Variants in CAMK4 observed in about 807,000 individuals in gnomAD.
CAMK4 encodes the protein calcium/calmodulin-dependent protein kinase type IV.
Under a neutral mutation model 44.9 loss-of-function variants are expected in CAMK4, and 22 were observed. The observed-to-expected ratio is 0.49, with a 90% CI of 0.35 to 0.70. The LOEUF (loss-of-function observed/expected upper bound fraction) is 0.70. Ranked by LOEUF, CAMK4 falls within the 30% of genes least tolerant of loss-of-function variation. The pLI is 0.01. For missense variants in CAMK4, 498 were observed against 586.8 expected, an observed-to-expected ratio of 0.85 and a Z score of 1.56; for synonymous variants, 218 against 215.4, an observed-to-expected ratio of 1.01 and a Z score of -0.11.
At chr5:111,293,433 C>CTT (rs1000264327) in intron 1 of CAMK4, among the ~76,000 whole-genome samples, 1 of 146,652 alleles carries the variant, frequency 6.8e-6, no homozygotes, top group Admixed American at 6.9e-5. Context: ...CGGTGGTCTA[C>CTT]TTTTTTTTTT....
intron 6 of CAMK4, 48 bp from the exon 7 acceptor site, chr5:111,449,080 TA>T: frequency 1.2e-6 from 1 of 808,262 alleles, no homozygotes; most frequent in Non-Finnish European, 2.1e-6. Context: ...TATTTTGTCA[TA>T]AAAGCTGAGA....
At chr5:111,432,240 A>G (rs1365586355) in intron 5 of CAMK4, among the ~76,000 whole-genome samples, 2 of 152,156 alleles carry the variant, frequency 1.3e-5, no homozygotes, top group Non-Finnish European at 2.9e-5. Context: ...TGTTAATGAA[A>G]TAAGTCAGGC....
At position 111,370,784 on chromosome 5, in the gene CAMK4, G is replaced by A. The variant is rs192853266; in HGVS notation, c.241-4066G>A. Among the ~76,000 whole-genome samples the A allele has an allele frequency of 6.5e-3, 988 of 152,082 alleles. 9 individuals carry two copies. Among genetic ancestry groups the A allele is most frequent in the African/African-American group, 0.017 (696 of 41,492 alleles). Reference sequence around the variant, plus strand: ...ACAAAAATTTGCTGGATGTGGTGGCGCACACCTGTAGTCCCAACTACTCAG... The same window carrying A: ...ACAAAAATTTGCTGGATGTGGTGGCACACACCTGTAGTCCCAACTACTCAG... On this transcript the variant is annotated intron_variant, in intron 2 of 10. Transcript: ENST00000282356.
intron 4 of CAMK4, among the ~76,000 whole-genome samples, chr5:111,393,954 G>A (rs1160957882): frequency 2.0e-5 from 3 of 149,870 alleles, no homozygotes; most frequent in Admixed American, 6.7e-5. Context: ...AAAAAGAAAC[G>A]CAGCAAAAGT....
intron 1 of CAMK4, among the ~76,000 whole-genome samples, chr5:111,292,895 C>T (rs1747333911): frequency 6.6e-6 from 1 of 152,188 alleles, no homozygotes; most frequent in South Asian, 2.1e-4. Context: ...CACACCAGTG[C>T]ACTTCAGCCT....
intron 1 of CAMK4, among the ~76,000 whole-genome samples, chr5:111,266,777 A>G (rs1750265556): frequency 6.6e-6 from 1 of 152,232 alleles, no homozygotes; most frequent in Non-Finnish European, 1.5e-5. Flanking sequence ...AGCTCTAGCT[A>G]GGGGTGCCAA....
intron 5 of CAMK4, among the ~76,000 whole-genome samples, chr5:111,396,701 C>T (rs1039598442): frequency 1.6e-4 from 19 of 119,908 alleles, no homozygotes; most frequent in South Asian, 2.8e-4. Context: ...AGTGCAATGA[C>T]GTGATCTTGG....
At chr5:111,438,250 G>C (rs2112954283) in intron 5 of CAMK4, among the ~76,000 whole-genome samples, 1 of 152,280 alleles carries the variant, frequency 6.6e-6, no homozygotes, top group Admixed American at 6.5e-5. Context: ...AAGGCAGTTG[G>C]ATAAATGATC....
At chr5:111,357,908 T>C (rs1750435137) in intron 2 of CAMK4, 1 of 152,022 alleles carries the variant, frequency 6.6e-6, no homozygotes, top group African/African-American at 2.4e-5. Context: ...AAATACACAA[T>C]AGCATGTATT....
intron 1 of CAMK4, among the ~76,000 whole-genome samples, chr5:111,234,714 A>G (rs1748636283): frequency 6.6e-6 from 1 of 152,174 alleles, no homozygotes; most frequent in Non-Finnish European, 1.5e-5. Context: ...TCAGGGTAGT[A>G]TGGCTCAAAA....
intron 5 of CAMK4, among the ~76,000 whole-genome samples, chr5:111,428,607 G>T (rs1404063997): frequency 1.3e-5 from 2 of 152,198 alleles, no homozygotes; most frequent in East Asian, 1.9e-4. Context: ...GAATGCATCA[G>T]AATCCTTTAA....
intron 5 of CAMK4, among the ~76,000 whole-genome samples, chr5:111,395,217 AAAAAAAAAAAG>A (rs1470598972): frequency 7.8e-5 from 9 of 115,590 alleles, no homozygotes; most frequent in East Asian, 5.2e-4. Context: ...GTCTCAAAAA[AAAAAAAAAAAG>A]AAAAAAAAAA....
At chr5:111,397,559 A>G (rs1342920151) in intron 5 of CAMK4, among the ~76,000 whole-genome samples, 2 of 152,124 alleles carry the variant, frequency 1.3e-5, no homozygotes, top group African/African-American at 4.8e-5. Flanking sequence ...CTATTCATAT[A>G]TTACACCAAT....
chr5:111,396,857 C>T (rs567508887), intron 5 of CAMK4, among the ~76,000 whole-genome samples: 4 of 151,702 alleles, frequency 2.6e-5, no homozygotes, highest in Admixed American at 2.0e-4. Flanking sequence ...GCCAGGCTGA[C>T]CTCGAACTCC....
chr5:111,403,708 C>A (rs1752314414), intron 5 of CAMK4, among the ~76,000 whole-genome samples: 1 of 152,118 alleles, frequency 6.6e-6, no homozygotes. Context: ...TAATAATCAA[C>A]ATTCTGAAAT....
chr5:111,492,518 A>T lies in CAMK4; in HGVS notation c.*8052A>T, dbSNP rs1473138015. ...CCCCTGCCCATCTTCTTGATTGCTCAGTTTGAAGACGATCATTGATGGACA... is the reference window on the plus strand; with the variant it reads ...CCCCTGCCCATCTTCTTGATTGCTCTGTTTGAAGACGATCATTGATGGACA... On this transcript the variant is annotated 3_prime_UTR_variant, in exon 11 of 11. Coordinates refer to ENST00000282356, the MANE Select transcript of CAMK4 (RefSeq NM_001744.6). 1.3e-5 allele frequency: 2 copies of T among 152,204 alleles called. No homozygotes were observed. Among genetic ancestry groups the T allele is most frequent in the Admixed American group, 1.3e-4 (2 of 15,268 alleles). 9.4% of individuals were successfully genotyped at this position (152,204 alleles called of 1,614,324 possible). A position where few individuals can be genotyped will look rare whatever the true frequency, so the allele number is the denominator to read the frequency against.
chr5:111,266,063 T>C (rs1449358994), intron 1 of CAMK4: 1 of 152,160 alleles, frequency 6.6e-6, no homozygotes, highest in African/African-American at 2.4e-5. Context: ...TTTTGGTAGA[T>C]GAATTGGTGT....
chr5:111,376,237 G>A (rs1751207633), intron 3 of CAMK4, among the ~76,000 whole-genome samples: 1 of 151,510 alleles, frequency 6.6e-6, no homozygotes, highest in African/African-American at 2.4e-5. Flanking sequence ...ACTAGTCCTG[G>A]CTACTAGATT....
intron 1 of CAMK4, among the ~76,000 whole-genome samples, chr5:111,276,093 A>T (rs2112592897): frequency 6.6e-6 from 1 of 152,220 alleles, no homozygotes; most frequent in East Asian, 1.9e-4. Flanking sequence ...TTTGATTGTG[A>T]GGGCTAATGC....
Sources: gnomAD v4.1 joint callset for allele counts (sites outside exome capture counted in the v4.1 genomes callset) on GRCh38, gnomAD v4.1.1 for gene constraint, MANE v1.5 for transcripts, NCBI Gene and HGNC (gene_info 2026-07-23, HGNC 2026-07-21) for gene names.